The following TYW1 variants were observed in gnomAD, a reference collection of about 807,000 sequenced individuals.
TYW1 encodes the protein S-adenosyl-L-methionine-dependent tRNA 4-demethylwyosine synthase TYW1.
A neutral mutation model predicts 96.2 loss-of-function variants in TYW1; 46 were observed. The ratio of observed to expected loss-of-function variants is 0.48; its 90% CI spans 0.38 to 0.61. The LOEUF (loss-of-function observed/expected upper bound fraction) is 0.61, where lower values mean the gene tolerates loss of function less well. Ranked by LOEUF, TYW1 falls within the 20% of genes least tolerant of loss-of-function variation. The probability of loss-of-function intolerance (pLI) is 0.00; values close to 1 mark genes in which losing one functional copy is unlikely to be tolerated. For synonymous variants in TYW1, 274 were observed against 323.0 expected (o/e 0.85, Z 1.63); for missense variants, 684 against 909.6 (o/e 0.75, Z 3.19).
intron 13 of TYW1, among the ~76,000 whole-genome samples, chr7:67,132,273 G>C (rs1422713666): frequency 1.3e-5 from 2 of 150,974 alleles, no homozygotes; most frequent in Non-Finnish European, 2.9e-5. Context: ...CACTGTGCCC[G>C]GCTAATTTTT....
chr7:67,212,711 A>G (rs1801075584), intron 15 of TYW1, among the ~76,000 whole-genome samples: 2 of 151,468 alleles, frequency 1.3e-5, no homozygotes, highest in Non-Finnish European at 2.9e-5. Context: ...ATTCTAATAG[A>G]TTTGTAGTGG....
chr7:67,196,737 A>C (rs1253431771), intron 15 of TYW1, among the ~76,000 whole-genome samples: 2 of 151,832 alleles, frequency 1.3e-5, no homozygotes, highest in Admixed American at 1.3e-4. Flanking sequence ...TTAAAACAGG[A>C]CAATTTAATT....
At chr7:67,205,241 T>C (rs117405207) in intron 15 of TYW1, among the ~76,000 whole-genome samples, 3,247 of 151,418 alleles carry the variant, frequency 0.021, 58 homozygotes, top group Middle Eastern at 0.034. Context: ...TATTGACCTA[T>C]TGTAGGAAGG....
intron 15 of TYW1, among the ~76,000 whole-genome samples, chr7:67,208,879 C>G (rs1297577394): frequency 3.9e-5 from 6 of 152,054 alleles, no homozygotes; most frequent in Non-Finnish European, 8.8e-5. Context: ...TGGTCGTTGG[C>G]AGTGCAGTGA....
intron 5 of TYW1, among the ~76,000 whole-genome samples, chr7:67,015,803 A>G (rs1793998274): frequency 6.6e-6 from 1 of 152,034 alleles, no homozygotes; most frequent in Admixed American, 6.6e-5. Flanking sequence ...TCTGCTAAAA[A>G]TACAAAAAAA....
intron 13 of TYW1, among the ~76,000 whole-genome samples, chr7:67,166,824 T>C (rs10249781): frequency 0.28 from 42,379 of 151,786 alleles, 6,469 homozygotes; most frequent in African/African-American, 0.4. Context: ...CACTAATAAC[T>C]TTTCTGTACA....
At chr7:67,032,194 A>G (rs1004889851) in intron 7 of TYW1, among the ~76,000 whole-genome samples, 3 of 152,058 alleles carry the variant, frequency 2.0e-5, no homozygotes, top group Middle Eastern at 3.2e-3. Context: ...TTTGCAGTGG[A>G]TTTTTTTGTT....
intron 13 of TYW1, among the ~76,000 whole-genome samples, chr7:67,161,336 A>G (rs1179073704): frequency 2.0e-5 from 3 of 152,212 alleles, no homozygotes; most frequent in Non-Finnish European, 4.4e-5. Context: ...TGCCATCTTT[A>G]TGAAGCCATG....
chr7:67,210,764 G>GTCCATCCA lies in TYW1; in HGVS notation c.1977+15439_1977+15446dup, dbSNP rs1554394279. Among the ~76,000 whole-genome samples, 66 of 144,100 alleles carry GTCCATCCA rather than the reference G, an allele frequency of 4.6e-4. 2 individuals carry two copies. The South Asian group carries it at 0.015, about 32-fold the overall frequency. The allele number at this position is 144,100 out of a possible 152,430, so 94.5% of individuals were successfully genotyped here. ...TCATCTGTTTGTCTGTCGTCTGTCC[G>GTCCATCCA]TCCATCCATCCATCCATCCGTCCAT... On this transcript the variant is annotated intron_variant, in intron 15 of 15. Transcript: ENST00000359626.
intron 6 of TYW1, among the ~76,000 whole-genome samples, chr7:67,018,762 T>G (rs1794112259): frequency 6.6e-6 from 1 of 151,400 alleles, no homozygotes; most frequent in African/African-American, 2.4e-5. Flanking sequence ...TCGAGACCAT[T>G]CTGGCCAACG....
chr7:67,164,084 G>A (rs1417155779), intron 13 of TYW1, among the ~76,000 whole-genome samples: 1 of 152,266 alleles, frequency 6.6e-6, no homozygotes, highest in East Asian at 1.9e-4. Flanking sequence ...AAGTGTGTAT[G>A]TATACGTGTT....
chr7:67,084,260 TAA>T (rs11348807), intron 11 of TYW1, among the ~76,000 whole-genome samples: 1 of 151,638 alleles, frequency 6.6e-6, no homozygotes, highest in Admixed American at 6.6e-5. Flanking sequence ...ATTCCTTATT[TAA>T]AAAAAAGGAG....
At chr7:67,010,870 G>A (rs1793774314) in intron 4 of TYW1, among the ~76,000 whole-genome samples, 1 of 152,086 alleles carries the variant, frequency 6.6e-6, no homozygotes, top group East Asian at 1.9e-4. Context: ...TTATAGATAT[G>A]CCCAGCCCTC....
At chr7:67,123,818 G>A (rs1797835502) in intron 13 of TYW1, among the ~76,000 whole-genome samples, 1 of 152,164 alleles carries the variant, frequency 6.6e-6, no homozygotes, top group Non-Finnish European at 1.5e-5. Flanking sequence ...GAAAGATTAC[G>A]AAGTAAAGGT....
At chr7:67,066,040 C>A (rs1004679003) in intron 9 of TYW1, among the ~76,000 whole-genome samples, 11 of 151,258 alleles carry the variant, frequency 7.3e-5, no homozygotes, top group Non-Finnish European at 4.4e-5. Flanking sequence ...CACCCACACC[C>A]CTATACACGT....
intron 12 of TYW1, among the ~76,000 whole-genome samples, chr7:67,099,895 G>A (rs1420072466): frequency 6.6e-5 from 10 of 151,962 alleles, no homozygotes; most frequent in Admixed American, 3.3e-4. Context: ...CCAGCTACTC[G>A]GGAGGCTGAG....
chr7:67,179,768 T>C (rs980829421), intron 13 of TYW1, among the ~76,000 whole-genome samples: 45 of 144,394 alleles, frequency 3.1e-4, no homozygotes, highest in Middle Eastern at 3.6e-3. Context: ...TCCATGTAGA[T>C]GGGTTTTTGT....
chr7:67,058,110 A>AT (rs1795582146), intron 9 of TYW1, among the ~76,000 whole-genome samples: 1 of 151,802 alleles, frequency 6.6e-6, no homozygotes, highest in African/African-American at 2.4e-5. Context: ...AATTTTTTGT[A>AT]TTTTTAGTAG....
At chr7:67,139,763 G>GTGTGTGTGTGTGTT (rs1554374336) in intron 13 of TYW1, among the ~76,000 whole-genome samples, 4 of 150,782 alleles carry the variant, frequency 2.7e-5, no homozygotes, top group African/African-American at 9.8e-5. Flanking sequence ...GTGTGTGTGT[G>GTGTGTGTGTGTGTT]TGTGTGTGTA....
Sources: allele counts gnomAD v4.1 joint callset (sites outside exome capture counted in the v4.1 genomes callset), GRCh38; gene constraint gnomAD v4.1.1; transcripts MANE v1.5; gene names NCBI Gene and HGNC (gene_info 2026-07-23, HGNC 2026-07-21).